The following RABGAP1L variants were observed in gnomAD, a reference collection of about 807,000 sequenced individuals.
RABGAP1L encodes RAB GTPase activating protein 1 like.
Under a neutral mutation model 137.7 loss-of-function variants are expected in RABGAP1L, and 63 were observed. The ratio of observed to expected loss-of-function variants is 0.46; its 90% CI spans 0.37 to 0.56. The LOEUF (loss-of-function observed/expected upper bound fraction) is 0.56, where lower values mean the gene tolerates loss of function less well. RABGAP1L is among the 20% of genes least tolerant of loss of function. The pLI, the probability that RABGAP1L is intolerant of heterozygous loss-of-function variation, is 0.00. For synonymous variants in RABGAP1L, 431 were observed against 433.7 expected (o/e 0.99, Z 0.08); for missense variants, 1,095 against 1,244.0 (o/e 0.88, Z 1.80).
At chr1:174,581,359 A>G (rs1234940417) in intron 13 of RABGAP1L, among the ~76,000 whole-genome samples, 1 of 152,240 alleles carries the variant, frequency 6.6e-6, no homozygotes, top group Non-Finnish European at 1.5e-5. Flanking sequence ...CTGAGCAGTA[A>G]AAAGGAATGA....
At chr1:174,315,660 C>T (rs1213348487) in intron 11 of RABGAP1L, among the ~76,000 whole-genome samples, 3 of 149,164 alleles carry the variant, frequency 2.0e-5, no homozygotes, top group Non-Finnish European at 4.4e-5. Flanking sequence ...TGCCATGTTG[C>T]CCATGCTGTA....
At chr1:174,300,529 CAA>C (rs34220318) in intron 10 of RABGAP1L, among the ~76,000 whole-genome samples, 12 of 84,222 alleles carry the variant, frequency 1.4e-4, no homozygotes, top group Non-Finnish European at 1.9e-4. Flanking sequence ...AACTCCATCT[CAA>C]AAAAAAAAAA....
chr1:174,823,488 C>T (rs1573370369), intron 19 of RABGAP1L, among the ~76,000 whole-genome samples: 2 of 152,088 alleles, frequency 1.3e-5, no homozygotes, highest in African/African-American at 4.8e-5. Flanking sequence ...ATTTGGGGAT[C>T]CGATTTACAG....
chr1:174,653,956 G>T (rs967318341), intron 14 of RABGAP1L, among the ~76,000 whole-genome samples: 1 of 152,186 alleles, frequency 6.6e-6, no homozygotes, highest in Admixed American at 6.5e-5. Context: ...GATTAAGTGT[G>T]TAAGAAATGT....
At chr1:174,759,283 TAAAAAAA>T (rs59159307) in intron 18 of RABGAP1L, among the ~76,000 whole-genome samples, 168 of 130,670 alleles carry the variant, frequency 1.3e-3, no homozygotes, top group African/African-American at 4.5e-3. Context: ...GTAATTTATT[TAAAAAAA>T]AAAAAAAAAA....
chr1:174,476,575 C>T (rs1289289982), intron 13 of RABGAP1L, among the ~76,000 whole-genome samples: 2 of 152,190 alleles, frequency 1.3e-5, no homozygotes, highest in Non-Finnish European at 1.5e-5. Context: ...CAAATTAAAA[C>T]ATGAAGTAAG....
chr1:174,349,409 T>C (rs1165418241), intron 11 of RABGAP1L, among the ~76,000 whole-genome samples: 1 of 117,078 alleles, frequency 8.5e-6, no homozygotes, highest in Non-Finnish European at 1.8e-5. Flanking sequence ...GGTGGGGGGC[T>C]GACCCCCCCA....
At position 174,551,001 on chromosome 1, in the gene RABGAP1L, T is replaced by TATATATATATATAC. The variant is rs1558334474; in HGVS notation, c.1711-86361_1711-86360insCATATATATATATA. On this transcript the variant is annotated intron_variant, in intron 13 of 25. Transcript: ENST00000681986. ...ATATATACATATATATATATACACA[T>TATATATATATATAC]ATATATATATATATATATATACATA... Among the ~76,000 whole-genome samples, 118 of 95,890 alleles carry TATATATATATATAC rather than the reference T, an allele frequency of 1.2e-3. 8 individuals carry two copies. Among genetic ancestry groups the TATATATATATATAC allele is most frequent in the African/African-American group, 5.3e-3 (104 of 19,448 alleles). 62.9% of individuals were successfully genotyped at this position (95,890 alleles called of 152,430 possible).
intron 13 of RABGAP1L, among the ~76,000 whole-genome samples, chr1:174,566,359 A>T (rs960402362): frequency 2.0e-5 from 3 of 151,956 alleles, no homozygotes; most frequent in Non-Finnish European, 4.4e-5. Context: ...AGCTTGTTGG[A>T]TGCTATAGGG....
intron 13 of RABGAP1L, among the ~76,000 whole-genome samples, chr1:174,503,658 C>CAAAAA (rs61588327): frequency 0.15 from 15,153 of 103,046 alleles, 2,067 homozygotes; most frequent in East Asian, 0.52. Context: ...GAGACTCCGT[C>CAAAAA]AAAAAAAAAA....
At chr1:174,913,411 A>G (rs1660362874) in intron 19 of RABGAP1L, among the ~76,000 whole-genome samples, 1 of 152,196 alleles carries the variant, frequency 6.6e-6, no homozygotes, top group African/African-American at 2.4e-5. Flanking sequence ...GTGTTTCTAG[A>G]GATAGAAGTT....
intron 13 of RABGAP1L, among the ~76,000 whole-genome samples, chr1:174,583,414 C>T (rs142633360): frequency 4.1e-4 from 63 of 152,160 alleles, no homozygotes; most frequent in African/African-American, 1.4e-3. Context: ...TAGTGGTGAT[C>T]AAACTTTTTT....
rs916178438 is a variant in RABGAP1L at position 174,863,247 on chromosome 1, A to AAAAAAAAC, written c.2340+51288_2340+51289insAAAAAACA. Reference sequence around the variant, plus strand: ...GTTGTTTGTAGCAAAAAAAAAAAAAAAGAAAAACAGTATATTTAATGGGAA... The same window carrying AAAAAAAAC: ...GTTGTTTGTAGCAAAAAAAAAAAAAAAAAAAAACAGAAAAACAGTATATTTAATGGGAA... On this transcript the variant is annotated intron_variant, in intron 19 of 25. Transcript: ENST00000681986. Among the ~76,000 whole-genome samples the AAAAAAAAC allele has an allele frequency of 9.8e-4, 148 of 150,554 alleles. 4 individuals are homozygous for AAAAAAAAC. Among genetic ancestry groups the AAAAAAAAC allele is most frequent in the Admixed American group, 1.5e-3 (23 of 15,138 alleles).
intron 13 of RABGAP1L, among the ~76,000 whole-genome samples, chr1:174,585,795 T>C (rs773430890): frequency 2.0e-4 from 31 of 152,182 alleles, no homozygotes; most frequent in Admixed American, 1.8e-3. Context: ...CCTTCAGTGG[T>C]TGGTTGACTG....
rs1434053986 is a variant in RABGAP1L, at chr1:174,302,875, G to T, written c.1324-2111G>T. Among the ~76,000 whole-genome samples the T allele has an allele frequency of 2.0e-5, 3 of 152,152 alleles. No individual in the cohort carries two copies. The East Asian group carries it at 5.8e-4, about 29-fold the overall frequency. ...CATAAAAGGAAAATTCCTATTTGAA[G>T]ATGCATGTTGGTTTAAACCTACTTA... On this transcript the variant is annotated intron_variant, in intron 10 of 25. Coordinates refer to ENST00000681986, the MANE Select transcript of RABGAP1L (RefSeq NM_001366446.1).
At chr1:174,925,377 A>AC (rs1335017393) in intron 19 of RABGAP1L, among the ~76,000 whole-genome samples, 1 of 151,010 alleles carries the variant, frequency 6.6e-6, no homozygotes, top group Non-Finnish European at 1.5e-5. Context: ...AAAAAAAAAA[A>AC]AACAGCAAAA....
chr1:174,559,986 T>A (rs1390562527), intron 13 of RABGAP1L, among the ~76,000 whole-genome samples: 1 of 151,988 alleles, frequency 6.6e-6, no homozygotes, highest in Non-Finnish European at 1.5e-5. Context: ...ATAGAAAAAA[T>A]TAGCCAGGCG....
chr1:174,242,257 A>G (rs1374902280), intron 5 of RABGAP1L, among the ~76,000 whole-genome samples: 3 of 152,224 alleles, frequency 2.0e-5, no homozygotes, highest in African/African-American at 7.2e-5. Context: ...GAAATTACTA[A>G]TTGGTAGATT....
Position 174,168,299 on chromosome 1 carries a change from A to C in RABGAP1L, c.-34+8642A>C, listed in dbSNP as rs116432912. 8.4e-3 allele frequency among the ~76,000 whole-genome samples: 1,264 copies of C among 150,274 alleles called. 19 individuals are homozygous for C. The highest frequency in any genetic ancestry group is 0.03 in the African/African-American group (1,214 of 40,784). On this transcript the variant is annotated intron_variant, in intron 1 of 25. Coordinates refer to ENST00000681986, the MANE Select transcript of RABGAP1L (RefSeq NM_001366446.1). ...AAAAAAAAAAAAAAAAATTGAATAGAGTATACTACTTTAGTGAAAAATTGA... is the reference window on the plus strand; with the variant it reads ...AAAAAAAAAAAAAAAAATTGAATAGCGTATACTACTTTAGTGAAAAATTGA...
Sources: allele counts gnomAD v4.1 joint callset (sites outside exome capture counted in the v4.1 genomes callset), GRCh38; gene constraint gnomAD v4.1.1; transcripts MANE v1.5; gene names NCBI Gene and HGNC (gene_info 2026-07-23, HGNC 2026-07-21).